The following LPP variants were observed in gnomAD, a reference collection of about 807,000 sequenced individuals.
LPP encodes LIM domain containing preferred translocation partner in lipoma.
LPP carries 38 observed loss-of-function variants against 60.4 expected under a neutral mutation model. The ratio of observed to expected loss-of-function variants is 0.63; its 90% CI spans 0.49 to 0.83. LPP has a LOEUF of 0.83. Ranked by LOEUF, LPP falls within the 40% of genes least tolerant of loss-of-function variation. The pLI, the probability that LPP is intolerant of heterozygous loss-of-function variation, is 0.00. For missense variants in LPP, 902 were observed against 783.6 expected, an observed-to-expected ratio of 1.15 and a Z score of -1.80; for synonymous variants, 328 against 290.8, an observed-to-expected ratio of 1.13 and a Z score of -1.30.
chr3:188,865,912 C>T (rs1430481993), intron 9 of LPP, among the ~76,000 whole-genome samples: 1 of 152,184 alleles, frequency 6.6e-6, no homozygotes, highest in African/African-American at 2.4e-5. Context: ...GGACTTGCCA[C>T]CTACTACCTG....
intron 2 of LPP, among the ~76,000 whole-genome samples, chr3:188,274,758 T>G (rs911338432): frequency 1.3e-5 from 2 of 152,244 alleles, no homozygotes; most frequent in Non-Finnish European, 2.9e-5. Context: ...GAAGTGCCAG[T>G]CTTGCAGGCC....
chr3:188,821,088 G>A (rs1753831449), intron 9 of LPP, among the ~76,000 whole-genome samples: 1 of 151,132 alleles, frequency 6.6e-6, no homozygotes, highest in Admixed American at 6.6e-5. Flanking sequence ...TTCTGATACA[G>A]TTCTCTCTTC....
At chr3:188,475,896 C>T (rs775307170) in intron 4 of LPP, among the ~76,000 whole-genome samples, 10 of 152,192 alleles carry the variant, frequency 6.6e-5, no homozygotes, top group South Asian at 2.1e-4. Flanking sequence ...GAGCAAAACT[C>T]TGTCTCAAAA....
chr3:188,282,224 AC>A (rs1742363000), intron 2 of LPP, among the ~76,000 whole-genome samples: 1 of 150,702 alleles, frequency 6.6e-6, no homozygotes, highest in Admixed American at 6.6e-5. Context: ...CCAGGCGTTT[AC>A]ATAATATTGT....
intron 3 of LPP, among the ~76,000 whole-genome samples, chr3:188,383,694 T>A (rs568476580): frequency 6.6e-6 from 1 of 152,356 alleles, no homozygotes; most frequent in East Asian, 1.9e-4. Context: ...CAACTCTGAA[T>A]ATATTTTGAC....
chr3:188,207,877 A>G (rs539521523), intron 1 of LPP, among the ~76,000 whole-genome samples: 5 of 152,232 alleles, frequency 3.3e-5, no homozygotes, highest in African/African-American at 1.2e-4. Flanking sequence ...CAGAACTCAT[A>G]GAGTTTACAA....
rs1194328905 is a variant in LPP, at chr3:188,879,499, TAG to T, written c.*5023_*5024del. The T allele has an allele frequency of 5.0e-6, 1 of 200,712 alleles. No homozygotes were observed. Among genetic ancestry groups the T allele is most frequent in the African/African-American group, 2.3e-5 (1 of 43,562 alleles). 12.4% of individuals were successfully genotyped at this position (200,712 alleles called of 1,614,324 possible). On this transcript the variant is annotated 3_prime_UTR_variant, in exon 12 of 12. Coordinates refer to ENST00000617246, the MANE Select transcript of LPP (RefSeq NM_001375462.1). ...TTATTCGTAAAGTGAAATGAGATAATAGAGTCTTTCTGTTTCATGTTAATGAA... is the reference window on the plus strand; with the variant it reads ...TTATTCGTAAAGTGAAATGAGATAATAGTCTTTCTGTTTCATGTTAATGAA...
chr3:188,201,417 G>A (rs1300088442), intron 1 of LPP, among the ~76,000 whole-genome samples: 2 of 152,138 alleles, frequency 1.3e-5, no homozygotes, highest in African/African-American at 2.4e-5. Flanking sequence ...ATTTAAAAAT[G>A]TGACGGATGC....
intron 6 of LPP, among the ~76,000 whole-genome samples, chr3:188,536,108 A>T (rs1194415878): frequency 6.6e-6 from 1 of 150,602 alleles, no homozygotes; most frequent in East Asian, 1.9e-4. Context: ...TCCCGGGTTC[A>T]AGCAATTCTC....
intron 2 of LPP, among the ~76,000 whole-genome samples, chr3:188,257,827 G>C (rs1732174672): frequency 6.6e-6 from 1 of 152,206 alleles, no homozygotes; most frequent in South Asian, 2.1e-4. Flanking sequence ...GGCTCAAAGA[G>C]ATTAAAAGAC....
At chr3:188,704,369 G>A (rs1865062631) in intron 7 of LPP, among the ~76,000 whole-genome samples, 1 of 152,150 alleles carries the variant, frequency 6.6e-6, no homozygotes, top group South Asian at 2.1e-4. Flanking sequence ...AATTCTTACA[G>A]AGACTGTGAG....
chr3:188,254,518 A>G (rs1403162751), intron 2 of LPP, among the ~76,000 whole-genome samples: 2 of 152,206 alleles, frequency 1.3e-5, no homozygotes, highest in African/African-American at 4.8e-5. Context: ...TCTGGGAGCA[A>G]GAGCTTTTGG....
At chr3:188,733,946 T>C (rs535411028) in intron 8 of LPP, among the ~76,000 whole-genome samples, 1 of 152,298 alleles carries the variant, frequency 6.6e-6, no homozygotes, top group South Asian at 2.1e-4. Flanking sequence ...TCCTTTTGCT[T>C]TGACTGTTTT....
chr3:188,711,192 C>G (rs563723285), intron 8 of LPP: 2 of 152,098 alleles, frequency 1.3e-5, no homozygotes, highest in Non-Finnish European at 2.9e-5. Context: ...GTAATCATTG[C>G]CAAATGGGGA....
In LPP at chr3:188,708,209, C is replaced by T. The variant is rs1462959797; in HGVS notation, c.1114-58C>T. The T allele has an allele frequency of 6.3e-6, 10 of 1,594,338 alleles. No individual in the cohort carries two copies. The East Asian group carries it at 2.2e-4, about 36-fold the overall frequency. On this transcript the variant is annotated intron_variant, in intron 7 of 11. Coordinates refer to ENST00000617246, the MANE Select transcript of LPP (RefSeq NM_001375462.1). ...TGCAATCGCTGCTTGTTTAGGCTGA[C>T]TGCCTTGGTTGATGGTCTAGGTGGC...
chr3:188,153,184 A>G (rs1289768508), upstream of LPP: 1 of 152,322 alleles, frequency 6.6e-6, no homozygotes, highest in African/African-American at 2.4e-5. Flanking sequence ...GCTCAGGGCT[A>G]AAAGGGAGCC....
chr3:188,460,978 T>C (rs1204757464), intron 4 of LPP, among the ~76,000 whole-genome samples: 2 of 152,098 alleles, frequency 1.3e-5, no homozygotes, highest in Non-Finnish European at 2.9e-5. Context: ...GGAGGAACTG[T>C]TGAAAGAGAT....
At chr3:188,648,862 A>G (rs1305859557) in intron 7 of LPP, among the ~76,000 whole-genome samples, 2 of 152,114 alleles carry the variant, frequency 1.3e-5, no homozygotes, top group African/African-American at 2.4e-5. Flanking sequence ...GCTAGGTTGT[A>G]TTGGTTTCTT....
In LPP at chr3:188,887,238, C is replaced by T. The variant is rs148651148; in HGVS notation, c.*12759C>T. 1.9e-3 allele frequency: 415 copies of T among 221,224 alleles called. 1 individual carries two copies. Among genetic ancestry groups the T allele is most frequent in the African/African-American group, 9.0e-3 (403 of 44,786 alleles). 13.7% of individuals were successfully genotyped at this position (221,224 alleles called of 1,614,324 possible). The stretch of plus-strand genomic sequence containing the variant: ...AGAAATGCAAAATGGGAAGAGCTAG[C>T]TTTTCTTAGATACATTTCTTCCTTT... On this transcript the variant is annotated 3_prime_UTR_variant, in exon 12 of 12. Transcript: ENST00000617246.
Sources: allele counts gnomAD v4.1 joint callset (sites outside exome capture counted in the v4.1 genomes callset), GRCh38; gene constraint gnomAD v4.1.1; transcripts MANE v1.5; gene names NCBI Gene and HGNC (gene_info 2026-07-23, HGNC 2026-07-21).